The following ZBTB21 variants were observed in gnomAD, a reference collection of about 807,000 sequenced individuals.
ZBTB21 encodes the protein zinc finger and BTB domain containing 21, also known as zinc finger and BTB domain-containing protein 21.
ZBTB21 carries 10 observed loss-of-function variants against 39.8 expected under a neutral mutation model. The observed-to-expected ratio is 0.25, with a 90% CI of 0.16 to 0.43. ZBTB21 has a LOEUF of 0.43. Ranked by LOEUF, ZBTB21 falls within the 20% of genes least tolerant of loss-of-function variation. The probability of loss-of-function intolerance (pLI) is 1.00; values close to 1 mark genes in which losing one functional copy is unlikely to be tolerated. For synonymous variants in ZBTB21, 551 were observed against 498.8 expected (o/e 1.10, Z -1.40); for missense variants, 1,221 against 1,296.3 (o/e 0.94, Z 0.89).
intron 1 of ZBTB21, among the ~76,000 whole-genome samples, chr21:42,008,342 CAAAAAAAAAAAA>C (rs767411984): frequency 1.8e-5 from 1 of 54,310 alleles, no homozygotes; most frequent in Non-Finnish European, 3.3e-5. Flanking sequence ...CCCGTCTCTA[CAAAAAAAAAAAA>C]AAAAAAAAAA....
At position 41,990,714 on chromosome 21, in the gene ZBTB21, G is replaced by A. The variant is rs1450287365; in HGVS notation, c.*181C>T. On this transcript the variant is annotated 3_prime_UTR_variant, in exon 3 of 3. Transcript: ENST00000310826. Reference sequence around the variant, plus strand: ...CCAGAACCACAATATTTTAAAAGCTGTATTTCTAAAGTTAAGGACATTACT... The same window carrying A: ...CCAGAACCACAATATTTTAAAAGCTATATTTCTAAAGTTAAGGACATTACT... 1 of 516,976 alleles carries A rather than the reference G, an allele frequency of 1.9e-6. No homozygotes were observed. Among genetic ancestry groups the A allele is most frequent in the African/African-American group, 2.0e-5 (1 of 50,420 alleles). The allele number at this position is 516,976 out of a possible 1,614,324, so 32.0% of individuals were successfully genotyped here.
chr21:41,997,575 CAAAAAAAAA>C (rs10709533), intron 2 of ZBTB21, among the ~76,000 whole-genome samples: 5 of 117,846 alleles, frequency 4.2e-5, no homozygotes, highest in African/African-American at 1.2e-4. Flanking sequence ...GACGTTGTCT[CAAAAAAAAA>C]AAAAACAAAA....
rs1372615388 is a variant in ZBTB21 at position 41,991,218 on chromosome 21, T to C, written c.2878A>G (p.Met960Val). Reference protein sequence around the residue: ...FRLWSHFQSHMSQASEESAHK... With the variant: ...FRLWSHFQSHVSQASEESAHK... Reference sequence around the variant, plus strand: ...GCCGATTCCTCTGAAGCCTGAGACATGTGCGATTGGAAGTGACTCCAGAGT... The same window carrying C: ...GCCGATTCCTCTGAAGCCTGAGACACGTGCGATTGGAAGTGACTCCAGAGT... Residue 960 changes from methionine to valine, a missense_variant, in exon 3 of 3, where the codon ATG becomes GTG. Around this residue, in one of 4 missense-constraint regions of ZBTB21, gnomAD observed 523 missense variants for 542.5 expected, o/e 0.96. Coordinates refer to ENST00000310826, the MANE Select transcript of ZBTB21 (RefSeq NM_001098402.2). The surrounding 1 kb of genome is among the most constrained non-coding windows in gnomAD (Gnocchi z 4.9). 21 of 1,614,074 alleles carry C rather than the reference T, an allele frequency of 1.3e-5. No homozygotes were observed. Among genetic ancestry groups the C allele is most frequent in the Admixed American group, 8.3e-5 (5 of 60,010 alleles).
Position 41,992,275 on chromosome 21 carries a change from G to A in ZBTB21, c.1821C>T (p.Ala607=), listed in dbSNP as rs547700412. The A allele has an allele frequency of 4.2e-5, 67 of 1,614,190 alleles. No homozygotes were observed. Among genetic ancestry groups the A allele is most frequent in the Admixed American group, 2.2e-4 (13 of 60,032 alleles). The change falls in exon 3 of 3, where the codon GCC becomes GCT. Residue 607 remains alanine, a synonymous_variant. Transcript: ENST00000310826. The surrounding 1 kb of genome is among the most constrained non-coding windows in gnomAD (Gnocchi z 4.1). Reference sequence around the variant, plus strand: ...CATCCAAAACAGCATGTGAACTAGAGGCTGGTGATGGGTTCTTCACTATGC... The same window carrying A: ...CATCCAAAACAGCATGTGAACTAGAAGCTGGTGATGGGTTCTTCACTATGC... ...QHGIVKNPSP[A]SSSHAVLDEK...
chr21:41,991,128 G>A lies in ZBTB21; in HGVS notation c.2968C>T (p.Pro990Ser). The A allele has an allele frequency of 6.2e-7, 1 of 1,613,972 alleles. No homozygotes were observed. Among genetic ancestry groups the A allele is most frequent in the South Asian group, 1.1e-5 (1 of 91,048 alleles). Reference sequence around the variant, plus strand: ...GGCTGGATCTTGGGCAGTGGTGGTGGCGGTGGCAGAGGTGGTGGAGAGGGA... The same window carrying A: ...GGCTGGATCTTGGGCAGTGGTGGTGACGGTGGCAGAGGTGGTGGAGAGGGA... The part of the protein sequence containing the change: ...NSPSPPPLPP[P>S]PPLPKIQPLE... The change falls in exon 3 of 3, where the codon CCA becomes TCA. Residue 990 changes from proline (P) to serine (S), a missense_variant. This residue lies in a region of ZBTB21 where 523 missense variants were observed against 542.5 expected (regional missense o/e 0.96). Transcript: ENST00000310826. The surrounding 1 kb of genome is among the most constrained non-coding windows in gnomAD (Gnocchi z 4.9).
Position 41,991,481 on chromosome 21 carries a change from T to C in ZBTB21, c.2615A>G (p.Lys872Arg), listed in dbSNP as rs1415546282. 6.2e-7 allele frequency: 1 copy of C among 1,614,142 alleles called. No homozygotes were observed. The highest frequency in any genetic ancestry group is 1.3e-5 in the African/African-American group (1 of 75,014). Residue 872 changes from lysine (K) to arginine (R), a missense_variant, in exon 3 of 3, where the codon AAG becomes AGG. Transcript: ENST00000310826. The surrounding 1 kb of genome is among the most constrained non-coding windows in gnomAD (Gnocchi z 4.9). ...CTCTTTGACTTGGATTTTCAGTTGC[T>C]TGGAAAGACTAAGGTCTTCGGGAAG... ...SCLPEDLSLS[K>R]QLKIQVKEEP...
At chr21:42,004,042 C>G (rs2065849153) in intron 1 of ZBTB21, among the ~76,000 whole-genome samples, 1 of 150,196 alleles carries the variant, frequency 6.7e-6, no homozygotes, top group African/African-American at 2.5e-5. Flanking sequence ...CTCTGTCACC[C>G]AGGCTGGAGT....
Position 41,991,492 on chromosome 21 carries a change from A to C in ZBTB21, c.2604T>G (p.Leu868=). Residue 868 remains leucine (L), a synonymous_variant, in exon 3 of 3, where the codon CTT becomes CTG. Coordinates refer to ENST00000310826, the MANE Select transcript of ZBTB21 (RefSeq NM_001098402.2). This position sits in a 1 kb window ranked among gnomAD's most constrained non-coding sequence, Gnocchi z 4.9. The stretch of plus-strand genomic sequence containing the variant: ...GGATTTTCAGTTGCTTGGAAAGACT[A>C]AGGTCTTCGGGAAGACAAGAGGAAT... The part of the protein sequence containing the change: ...SEDSSCLPED[L]SLSKQLKIQV... 6.2e-7 allele frequency: 1 copy of C among 1,614,196 alleles called. No individual in the cohort carries two copies. Among genetic ancestry groups the C allele is most frequent in the Non-Finnish European group, 8.5e-7 (1 of 1,180,038 alleles).
rs116737831 is a variant in ZBTB21 at position 42,001,626 on chromosome 21, T to C, written c.-14+1271A>G. Among the ~76,000 whole-genome samples the C allele has an allele frequency of 6.5e-3, 985 of 152,278 alleles. 10 individuals are homozygous for C. The highest frequency in any genetic ancestry group is 0.02 in the African/African-American group (816 of 41,542). ...TTTTATAGGGAATGCTGGGAAGAGATAGGAAGGATGAAGGACATTTCGAGG... is the reference window on the plus strand; with the variant it reads ...TTTTATAGGGAATGCTGGGAAGAGACAGGAAGGATGAAGGACATTTCGAGG... On this transcript the variant is annotated intron_variant, in intron 2 of 2. Transcript: ENST00000310826.
chr21:41,998,192 A>ATTT (rs112739106), intron 2 of ZBTB21, among the ~76,000 whole-genome samples: 2 of 122,228 alleles, frequency 1.6e-5, no homozygotes, highest in African/African-American at 6.0e-5. Context: ...CATCCTTTTC[A>ATTT]TTTTTTTTTT....
At position 41,992,801 on chromosome 21, in the gene ZBTB21, T is replaced by C. The variant is rs763134143; in HGVS notation, c.1295A>G (p.Glu432Gly). The C allele has an allele frequency of 2.5e-6, 4 of 1,614,140 alleles. No homozygotes were observed. In the Admixed American group the frequency reaches 6.7e-5, roughly 27 times the overall value. Residue 432 changes from glutamate to glycine, a missense_variant, in exon 3 of 3, where the codon GAG becomes GGG. Transcript: ENST00000310826. The surrounding 1 kb of genome is among the most constrained non-coding windows in gnomAD (Gnocchi z 4.1). ...SPVTEVRIKT[E>G]PSSPLSDPSD... is the part of the protein sequence containing the mutation. Reference sequence around the variant, plus strand: ...GGGGTCCGACAGCGGGCTGCTGGGCTCAGTCTTTATGCGCACCTCAGTCAC... The same window carrying C: ...GGGGTCCGACAGCGGGCTGCTGGGCCCAGTCTTTATGCGCACCTCAGTCAC...
chr21:41,991,885 T>A lies in ZBTB21; in HGVS notation c.2211A>T (p.Gln737His). ...CNAKLSSLLE[Q>H]GSHERLCRNA... ...TCCGGCACAGCCGCTCGTGGCTTCC[T>A]TGCTCTAGGAGAGAAGAGAGCTTAG... Residue 737 changes from glutamine (Q) to histidine (H), a missense_variant, in exon 3 of 3, where the codon CAA becomes CAT. Gln to His is a conservative substitution (Grantham distance 24, BLOSUM62 0). This residue lies in a region of ZBTB21 where 523 missense variants were observed against 542.5 expected (regional missense o/e 0.96). Transcript: ENST00000310826. The surrounding 1 kb of genome is among the most constrained non-coding windows in gnomAD (Gnocchi z 4.9). The A allele has an allele frequency of 6.2e-7, 1 of 1,614,170 alleles. No individual in the cohort carries two copies. Among genetic ancestry groups the A allele is most frequent in the Non-Finnish European group, 8.5e-7 (1 of 1,180,038 alleles).
rs2065724927 is a variant in ZBTB21 at position 41,994,859 on chromosome 21, G to A, written c.-13-751C>T. Among the ~76,000 whole-genome samples, 3 of 152,180 alleles carry A rather than the reference G, an allele frequency of 2.0e-5. No homozygotes were observed. The South Asian group carries it at 6.2e-4, about 32-fold the overall frequency. Reference sequence around the variant, plus strand: ...ACCCAGTGGGAGGTAACTGAATCATGGGGGTGGGTCTTTCTCGTTCTCTTC... The same window carrying A: ...ACCCAGTGGGAGGTAACTGAATCATAGGGGTGGGTCTTTCTCGTTCTCTTC... On this transcript the variant is annotated intron_variant, in intron 2 of 2. Transcript: ENST00000310826.
Position 41,991,851 on chromosome 21 carries a change from C to T in ZBTB21, c.2245G>A (p.Val749Ile), listed in dbSNP as rs774567286. The change falls in exon 3 of 3, where the codon GTC (valine) becomes ATC (isoleucine). Residue 749 changes from valine (V) to isoleucine (I), a missense_variant. This residue lies in a region of ZBTB21 where 523 missense variants were observed against 542.5 expected (regional missense o/e 0.96). Coordinates refer to ENST00000310826, the MANE Select transcript of ZBTB21 (RefSeq NM_001098402.2). This position sits in a 1 kb window ranked among gnomAD's most constrained non-coding sequence, Gnocchi z 4.9. ...SHERLCRNAAVCPYCSLRFFS... is the reference protein window; with the variant it reads ...SHERLCRNAAICPYCSLRFFS... The stretch of plus-strand genomic sequence containing the variant: ...AACCTGAGGCTGCAGTAAGGGCAGA[C>T]GGCCGCGTTCCGGCACAGCCGCTCG... 4.0e-5 allele frequency: 64 copies of T among 1,614,060 alleles called. No homozygotes were observed. The highest frequency in any genetic ancestry group is 1.6e-4 in the Middle Eastern group (1 of 6,084).
rs1333466330 is a variant in ZBTB21, at chr21:41,988,023, G to C, written c.*2872C>G. 1.3e-5 allele frequency: 2 copies of C among 152,144 alleles called. No homozygotes were observed. Among genetic ancestry groups the C allele is most frequent in the African/African-American group, 4.8e-5 (2 of 41,434 alleles). 9.4% of individuals were successfully genotyped at this position (152,144 alleles called of 1,614,324 possible). A position where few individuals can be genotyped will look rare whatever the true frequency, so the allele number is the denominator to read the frequency against. ...TCACACATCTCCCCACAAATGCAAA[G>C]AACATCACTGTTGAATTGTTAGTTG... is the stretch of plus-strand genomic sequence containing the variant. On this transcript the variant is annotated 3_prime_UTR_variant, in exon 3 of 3. Transcript: ENST00000310826.
chr21:42,002,299 T>C (rs964231938), intron 2 of ZBTB21: 6 of 125,410 alleles, frequency 4.8e-5, no homozygotes, highest in Non-Finnish European at 5.1e-5. Context: ...AATTAACATA[T>C]TGAATTTTTG....
chr21:42,007,424 C>A (rs1386225988), intron 1 of ZBTB21, among the ~76,000 whole-genome samples: 3 of 152,222 alleles, frequency 2.0e-5, no homozygotes, highest in African/African-American at 7.2e-5. Flanking sequence ...TACAATTCAT[C>A]TCTCCACCCT....
At chr21:42,000,169 A>T (rs2065800521) in intron 2 of ZBTB21, among the ~76,000 whole-genome samples, 2 of 152,186 alleles carry the variant, frequency 1.3e-5, no homozygotes, top group Non-Finnish European at 2.9e-5. Context: ...CTGCCAAAAT[A>T]ACTGGAAGGG....
Position 41,991,449 on chromosome 21 carries a change from C to T in ZBTB21, c.2647G>A (p.Val883Met). Residue 883 changes from valine to methionine, a missense_variant, in exon 3 of 3, where the codon GTG becomes ATG. Around this residue, in one of 4 missense-constraint regions of ZBTB21, gnomAD observed 523 missense variants for 542.5 expected, o/e 0.96. Transcript: ENST00000310826. The surrounding 1 kb of genome is among the most constrained non-coding windows in gnomAD (Gnocchi z 4.9). ...QLKIQVKEEPVEEAEEEAPEA... is the reference protein window; with the variant it reads ...QLKIQVKEEPMEEAEEEAPEA... The stretch of plus-strand genomic sequence containing the variant: ...GGTGCCTCTTCTTCAGCCTCCTCCA[C>T]AGGCTCCTCTTTGACTTGGATTTTC... 6.2e-7 allele frequency: 1 copy of T among 1,613,838 alleles called. No individual in the cohort carries two copies. The highest frequency in any genetic ancestry group is 1.3e-5 in the African/African-American group (1 of 74,952).
Sources: gnomAD v4.1 joint callset for allele counts (sites outside exome capture counted in the v4.1 genomes callset) on GRCh38, gnomAD v4.1.1 for gene constraint, gnomAD v4.1.1 regional missense constraint, Gnocchi (gnomAD v3.1) non-coding constraint, MANE v1.5 for transcripts, NCBI Gene and HGNC (gene_info 2026-07-23, HGNC 2026-07-21) for gene names.